AJAP1: variants seen among roughly 807,000 people sequenced by gnomAD.
AJAP1 encodes adherens junction-associated protein 1.
AJAP1 carries 5 observed loss-of-function variants against 35.0 expected under a neutral mutation model. That is an observed-to-expected ratio of 0.14 (90% CI 0.07 to 0.30). AJAP1 has a LOEUF of 0.30. Ranked by LOEUF, AJAP1 falls within the 10% of genes least tolerant of loss-of-function variation. The pLI, the probability that AJAP1 is intolerant of heterozygous loss-of-function variation, is 1.00. For missense variants in AJAP1, 586 were observed against 571.0 expected, an observed-to-expected ratio of 1.03 and a Z score of -0.27; for synonymous variants, 284 against 249.3, an observed-to-expected ratio of 1.14 and a Z score of -1.31.
intron 1 of AJAP1, among the ~76,000 whole-genome samples, chr1:4,663,276 G>C (rs1639042711): frequency 6.6e-6 from 1 of 152,072 alleles, no homozygotes; most frequent in Non-Finnish European, 1.5e-5. Context: ...TCTGCACCCA[G>C]CCAGGCATCA....
chr1:4,740,088 A>G (rs1208244278), intron 2 of AJAP1, among the ~76,000 whole-genome samples: 1 of 152,092 alleles, frequency 6.6e-6, no homozygotes, highest in African/African-American at 2.4e-5. Context: ...AGCGTTATTT[A>G]CAATATTCGA....
Position 4,720,641 on chromosome 1 carries a change from C to T in AJAP1, c.829+7942C>T, listed in dbSNP as rs980230590. On this transcript the variant is annotated intron_variant, in intron 2 of 5. Coordinates refer to ENST00000378191, the MANE Select transcript of AJAP1 (RefSeq NM_018836.4). The surrounding 1 kb of genome is among the most constrained non-coding windows in gnomAD (Gnocchi z 4.4). ...ATGCCAGCACATGTGGGAAACTGAG[C>T]GCCATAGTGAGCATGCAGCCCCTAG... 2.6e-5 allele frequency among the ~76,000 whole-genome samples: 4 copies of T among 152,208 alleles called. No individual in the cohort carries two copies. The highest frequency in any genetic ancestry group is 1.9e-4 in the East Asian group (1 of 5,190).
Position 4,667,300 on chromosome 1 carries a change from G to A in AJAP1, c.29+11846G>A, listed in dbSNP as rs537090083. On this transcript the variant is annotated intron_variant, in intron 1 of 5. Transcript: ENST00000378191. ...GCACAAAGGTGTGACAGGCCCTGAC[G>A]ACCCAACTTTCCTTTCCTGAGTCTC... 7.2e-5 allele frequency among the ~76,000 whole-genome samples: 11 copies of A among 152,234 alleles called. No individual in the cohort carries two copies. In the East Asian group the frequency reaches 1.5e-3, roughly 21 times the overall value.
At chr1:4,774,592 T>G in intron 5 of AJAP1, 34 bp downstream of exon 5, 1 of 1,271,886 alleles carries the variant, frequency 7.9e-7, no homozygotes, top group Non-Finnish European at 1.1e-6. Context: ...CCTGTTTTCG[T>G]TCCCTTTCCT....
At chr1:4,658,497 G>A (rs1020696892) in intron 1 of AJAP1, among the ~76,000 whole-genome samples, 2 of 152,214 alleles carry the variant, frequency 1.3e-5, no homozygotes, top group African/African-American at 4.8e-5. Flanking sequence ...TTGCGCTCCG[G>A]GTGAATCCTG....
chr1:4,707,088 C>T (rs1424010445), intron 1 of AJAP1, among the ~76,000 whole-genome samples: 1 of 152,042 alleles, frequency 6.6e-6, no homozygotes, highest in East Asian at 1.9e-4. Context: ...TCAGGGTGTC[C>T]CAGTGAGGAC....
intron 1 of AJAP1, among the ~76,000 whole-genome samples, chr1:4,675,070 G>A (rs1035470580): frequency 2.6e-5 from 4 of 152,134 alleles, no homozygotes; most frequent in Admixed American, 2.0e-4. Flanking sequence ...GCTGGAGAGC[G>A]GTGGGGGGGA....
At chr1:4,719,365 A>G (rs184743350) in intron 2 of AJAP1, among the ~76,000 whole-genome samples, 20 of 152,312 alleles carry the variant, frequency 1.3e-4, no homozygotes, top group African/African-American at 4.1e-4. Context: ...ACAGATAAAG[A>G]CATATCCTTG....
intron 2 of AJAP1, among the ~76,000 whole-genome samples, chr1:4,743,572 G>A (rs185185669): frequency 7.2e-4 from 110 of 152,226 alleles, no homozygotes; most frequent in African/African-American, 2.5e-3. Flanking sequence ...CCCTCCATCC[G>A]CCCGACAGCA....
intron 2 of AJAP1, among the ~76,000 whole-genome samples, chr1:4,758,090 ATGTT>A: frequency 6.6e-6 from 1 of 152,048 alleles, no homozygotes; most frequent in South Asian, 2.1e-4. Flanking sequence ...GAAGAAGGAC[ATGTT>A]TGCCTCCCCT....
intron 2 of AJAP1, among the ~76,000 whole-genome samples, chr1:4,715,910 C>T (rs1018984627): frequency 6.6e-6 from 1 of 152,228 alleles, no homozygotes; most frequent in African/African-American, 2.4e-5. Flanking sequence ...AGCTTTGCCA[C>T]ATACTGGGGG....
At chr1:4,752,911 C>T (rs192453900) in intron 2 of AJAP1, among the ~76,000 whole-genome samples, 50 of 152,326 alleles carry the variant, frequency 3.3e-4, no homozygotes, top group Admixed American at 9.8e-4. Flanking sequence ...CTGTTTTGCT[C>T]ACACCTCCTC....
intron 2 of AJAP1, among the ~76,000 whole-genome samples, chr1:4,767,654 A>G (rs1221595671): frequency 1.3e-5 from 2 of 151,886 alleles, no homozygotes; most frequent in Non-Finnish European, 1.5e-5. Flanking sequence ...CATCACCACC[A>G]TCATCATCAC....
intron 2 of AJAP1, among the ~76,000 whole-genome samples, chr1:4,757,011 G>C (rs944766464): frequency 6.6e-6 from 1 of 152,156 alleles, no homozygotes; most frequent in Non-Finnish European, 1.5e-5. Flanking sequence ...AGAGCCGGGG[G>C]TTCCCTGGAA....
intron 1 of AJAP1, among the ~76,000 whole-genome samples, chr1:4,701,363 C>G (rs72857974): frequency 0.021 from 3,223 of 152,306 alleles, 108 homozygotes; most frequent in African/African-American, 0.074. Context: ...ACGCAGCTGG[C>G]GGGTTGCAGT....
rs904768297 is a variant in AJAP1, at chr1:4,720,287, C to T, written c.829+7588C>T. ...AACATGGTTCAGTGAATCTCACAAC[C>T]GTCCGCCTTGCAGTCTGTGTAAGGA... On this transcript the variant is annotated intron_variant, in intron 2 of 5. Coordinates refer to ENST00000378191, the MANE Select transcript of AJAP1 (RefSeq NM_018836.4). The surrounding 1 kb of genome is among the most constrained non-coding windows in gnomAD (Gnocchi z 4.4). Among the ~76,000 whole-genome samples the T allele has an allele frequency of 2.0e-5, 3 of 152,186 alleles. No individual in the cohort carries two copies. Among genetic ancestry groups the T allele is most frequent in the African/African-American group, 4.8e-5 (2 of 41,434 alleles).
At chr1:4,773,297 A>G (rs1641879493) in intron 4 of AJAP1, among the ~76,000 whole-genome samples, 1 of 152,204 alleles carries the variant, frequency 6.6e-6, no homozygotes, top group African/African-American at 2.4e-5. Context: ...CTCCCCTGGA[A>G]CCCAGGGCAA....
At chr1:4,711,761 C>G (rs1034613645) in intron 1 of AJAP1, 139 bp from the exon 2 acceptor site, 13 of 645,418 alleles carry the variant, frequency 2.0e-5, no homozygotes, top group Non-Finnish European at 3.2e-5. Context: ...TTCGGATTCC[C>G]TTTTGAAGTT....
chr1:4,740,194 A>C (rs1641023787), intron 2 of AJAP1, among the ~76,000 whole-genome samples: 1 of 151,718 alleles, frequency 6.6e-6, no homozygotes, highest in African/African-American at 2.4e-5. Flanking sequence ...AAACCAAAGG[A>C]AATTACAGCA....
Sources: allele counts gnomAD v4.1 joint callset (sites outside exome capture counted in the v4.1 genomes callset), GRCh38; gene constraint gnomAD v4.1.1; non-coding constraint Gnocchi (gnomAD v3.1); transcripts MANE v1.5; gene names NCBI Gene and HGNC (gene_info 2026-07-23, HGNC 2026-07-21).